Variants in MAU2 observed in about 807,000 individuals in gnomAD.
MAU2 encodes the protein MAU2 sister chromatid cohesion factor, also known as MAU2 chromatid cohesion factor homolog.
Under a neutral mutation model 89.1 loss-of-function variants are expected in MAU2, and 9 were observed. That is an observed-to-expected ratio of 0.10 (90% CI 0.06 to 0.18). The LOEUF is 0.18. Among genes scored for constraint, MAU2 ranks in the 10% least tolerant of loss-of-function variants. MAU2 has a pLI of 1.00. For synonymous variants in MAU2, 357 were observed against 343.4 expected (o/e 1.04, Z -0.44); for missense variants, 425 against 803.5 (o/e 0.53, Z 5.69).
chr19:19,332,479 C>G lies in MAU2; in HGVS notation c.277-3239C>G, dbSNP rs144541840. On this transcript the variant is annotated intron_variant, in intron 1 of 18. Coordinates refer to ENST00000262815, the MANE Select transcript of MAU2 (RefSeq NM_015329.4). ...TACATGGGAAACGGATGTTAAAAAGCGCTAGGATGTAATTTCTCCAGTGCC... is the reference window on the plus strand; with the variant it reads ...TACATGGGAAACGGATGTTAAAAAGGGCTAGGATGTAATTTCTCCAGTGCC... Among the ~76,000 whole-genome samples, 734 of 152,152 alleles carry G rather than the reference C, an allele frequency of 4.8e-3. 3 individuals carry two copies. The highest frequency in any genetic ancestry group is 0.031 in the South Asian group (147 of 4,814).
In MAU2 at chr19:19,334,144, TCA is replaced by T. The variant is rs1195241548; in HGVS notation, c.277-1568_277-1567del. The T allele has an allele frequency of 1.3e-5, 13 of 984,140 alleles. No homozygotes were observed. The Admixed American group carries it at 7.4e-4, about 56-fold the overall frequency. The allele number at this position is 984,140 out of a possible 1,614,324, so 61.0% of individuals were successfully genotyped here. ...CCCCAACTTCTGCTCTTCTGTTGCA[TCA>T]CACACGTTGCCACTGTCCCCACACA... On this transcript the variant is annotated intron_variant, in intron 1 of 18. Transcript: ENST00000262815.
Position 19,336,183 on chromosome 19 carries a change from A to G in MAU2, c.356A>G (p.Gln119Arg). 6.2e-7 allele frequency: 1 copy of G among 1,610,746 alleles called. No homozygotes were observed. The highest frequency in any genetic ancestry group is 8.5e-7 in the Non-Finnish European group (1 of 1,177,084). ...AGTCTGTTGTCTGAATTGTACTGTC[A>G]AGAGGTAAGAACATATTAAGGTTTC... is the stretch of plus-strand genomic sequence containing the variant. ...AASLLSELYCQENSVDAAKPL... is the reference protein window; with the variant it reads ...AASLLSELYCRENSVDAAKPL... The change falls in exon 3 of 19, where the codon CAA becomes CGA. Residue 119 changes from glutamine to arginine, a missense_variant. Transcript: ENST00000262815.
At position 19,345,363 on chromosome 19, in the gene MAU2, C is replaced by A. The variant is rs764587790; in HGVS notation, c.1215C>A (p.Ala405=). The A allele has an allele frequency of 2.5e-5, 41 of 1,613,646 alleles. No homozygotes were observed. The highest frequency in any genetic ancestry group is 3.1e-5 in the Non-Finnish European group (37 of 1,179,994). The part of the protein sequence containing the change: ...MDNAEAQFTT[A]LRLTNHQELW... Reference sequence around the variant, plus strand: ...ACGCGGAAGCCCAGTTCACCACGGCCCTGCGGGTAAGGTGCCGGCCCTCCT... The same window carrying A: ...ACGCGGAAGCCCAGTTCACCACGGCACTGCGGGTAAGGTGCCGGCCCTCCT... The change falls in exon 12 of 19, where the codon GCC becomes GCA. Residue 405 remains alanine, a synonymous_variant. Transcript: ENST00000262815. The surrounding 1 kb of genome is among the most constrained non-coding windows in gnomAD (Gnocchi z 4.9).
chr19:19,338,254 A>G (rs1375932165), intron 4 of MAU2, among the ~76,000 whole-genome samples: 2 of 151,706 alleles, frequency 1.3e-5, no homozygotes, highest in East Asian at 1.9e-4. Context: ...CTCCCCACGC[A>G]CTCTTGTGCC....
intron 16 of MAU2, among the ~76,000 whole-genome samples, chr19:19,350,238 T>C (rs1427197388): frequency 1.4e-5 from 2 of 146,126 alleles, no homozygotes; most frequent in Non-Finnish European, 3.0e-5. Flanking sequence ...AGAGGTTGCA[T>C]TGAACGGAGA....
At chr19:19,344,566 C>A (rs2061678913) in intron 10 of MAU2, 1 of 531,314 alleles carries the variant, frequency 1.9e-6, no homozygotes. Flanking sequence ...AGTACCCACC[C>A]TCCTGAGAGG....
intron 18 of MAU2, 36 bp from the exon 19 acceptor site, chr19:19,355,672 A>G: frequency 1.9e-6 from 3 of 1,564,102 alleles, no homozygotes; most frequent in Non-Finnish European, 8.7e-7. Flanking sequence ...GGAACGGTCC[A>G]CAGTGCCTCA....
chr19:19,355,821 G>A lies in MAU2; in HGVS notation c.*39G>A, dbSNP rs748723729. The A allele has an allele frequency of 2.4e-5, 37 of 1,569,554 alleles. No individual in the cohort carries two copies. The highest frequency in any genetic ancestry group is 3.3e-5 in the South Asian group (3 of 90,452). On this transcript the variant is annotated 3_prime_UTR_variant, in exon 19 of 19. Coordinates refer to ENST00000262815, the MANE Select transcript of MAU2 (RefSeq NM_015329.4). ...CCATCCAGCTCCGCAGGGCCTGCGC[G>A]TCTCCGGCTTCCACCCAGACGGCAC...
rs1054024967 is a variant in MAU2 at position 19,332,480 on chromosome 19, G to A, written c.277-3238G>A. 6.6e-5 allele frequency among the ~76,000 whole-genome samples: 10 copies of A among 152,152 alleles called. No homozygotes were observed. The East Asian group carries it at 1.2e-3, about 18-fold the overall frequency. ...ACATGGGAAACGGATGTTAAAAAGC[G>A]CTAGGATGTAATTTCTCCAGTGCCT... On this transcript the variant is annotated intron_variant, in intron 1 of 18. Transcript: ENST00000262815.
At chr19:19,334,406 G>T (rs2061580119) in intron 1 of MAU2, 2 of 985,668 alleles carry the variant, frequency 2.0e-6, no homozygotes, top group African/African-American at 3.5e-5. Flanking sequence ...TGTCTTGGCA[G>T]TAGCTGCTCT....
At chr19:19,326,721 C>CATATATATATATACGT (rs2061510504) in intron 1 of MAU2, among the ~76,000 whole-genome samples, 2 of 81,000 alleles carry the variant, frequency 2.5e-5, no homozygotes, top group South Asian at 7.7e-4. Flanking sequence ...TATATATATA[C>CATATATATATATACGT]ATATATATAT....
chr19:19,326,463 G>A (rs1025120004), intron 1 of MAU2, among the ~76,000 whole-genome samples: 1 of 151,570 alleles, frequency 6.6e-6, no homozygotes, highest in African/African-American at 2.4e-5. Context: ...AAGGTGGGCG[G>A]ATCACGAGGT....
chr19:19,321,215 T>TG (rs923003119), intron 1 of MAU2, 80 bp downstream of exon 1: 19 of 1,390,736 alleles, frequency 1.4e-5, no homozygotes, highest in Middle Eastern at 4.0e-4. Context: ...CCGCGGCGGG[T>TG]GGGGGGCCGC....
chr19:19,335,120 T>G (rs2061586134), intron 1 of MAU2, among the ~76,000 whole-genome samples: 1 of 152,180 alleles, frequency 6.6e-6, no homozygotes, highest in East Asian at 1.9e-4. Context: ...TGAACTGCCT[T>G]CCTGGTGTGC....
intron 18 of MAU2, 85 bp downstream of exon 18, chr19:19,355,476 C>T: frequency 6.4e-7 from 1 of 1,568,152 alleles, no homozygotes; most frequent in Middle Eastern, 1.7e-4. Flanking sequence ...CTGTATTTCT[C>T]TTTTGTCCAA....
At position 19,338,920 on chromosome 19, in the gene MAU2, G is replaced by A. The variant is rs1318344565; in HGVS notation, c.532G>A (p.Val178Met). 1.2e-6 allele frequency: 2 copies of A among 1,613,308 alleles called. No individual in the cohort carries two copies. Among genetic ancestry groups the A allele is most frequent in the Non-Finnish European group, 1.7e-6 (2 of 1,179,878 alleles). Residue 178 changes from valine (V) to methionine (M), a missense_variant, in exon 5 of 19, where the codon GTG becomes ATG. Val to Met is a conservative substitution (Grantham distance 21). Transcript: ENST00000262815. ...LGVGAEYARV[V>M]GSEYTRALFL... ...TGTAGGGGCCGAGTACGCCCGGGTG[G>A]TGGGATCTGAATACACACGGTAGGC... is the stretch of plus-strand genomic sequence containing the variant.
At chr19:19,334,543 C>T (rs953968307) in intron 1 of MAU2, 22 of 985,536 alleles carry the variant, frequency 2.2e-5, no homozygotes, top group South Asian at 4.7e-5. Flanking sequence ...CTCCTCCGCA[C>T]TCCCTTCGTG....
In MAU2 at chr19:19,345,383, C is replaced by T. The variant is rs2061684694; in HGVS notation, c.1221+14C>T. Reference sequence around the variant, plus strand: ...ACGGCCCTGCGGGTAAGGTGCCGGCCCTCCTTGCTGCTCGGGGCGGGCCAC... The same window carrying T: ...ACGGCCCTGCGGGTAAGGTGCCGGCTCTCCTTGCTGCTCGGGGCGGGCCAC... On this transcript the variant is annotated intron_variant, in intron 12 of 18. Coordinates refer to ENST00000262815, the MANE Select transcript of MAU2 (RefSeq NM_015329.4). The surrounding 1 kb of genome is among the most constrained non-coding windows in gnomAD (Gnocchi z 4.9). 5 of 1,613,094 alleles carry T rather than the reference C, an allele frequency of 3.1e-6. No individual in the cohort carries two copies. The highest frequency in any genetic ancestry group is 3.4e-6 in the Non-Finnish European group (4 of 1,179,816).
In MAU2 at chr19:19,345,001, A is replaced by T; in HGVS notation, c.1155+75A>T. 1 of 1,380,570 alleles carries T rather than the reference A, an allele frequency of 7.2e-7. No homozygotes were observed. Among genetic ancestry groups the T allele is most frequent in the Non-Finnish European group, 1.0e-6 (1 of 980,862 alleles). The allele number at this position is 1,380,570 out of a possible 1,614,324, so 85.5% of individuals were successfully genotyped here. ...AAGTAAGTACCTAACCAGATCCAGA[A>T]CATTCCCAGTGAAGGACCCCCTGAC... On this transcript the variant is annotated intron_variant, in intron 11 of 18. Transcript: ENST00000262815. This position sits in a 1 kb window ranked among gnomAD's most constrained non-coding sequence, Gnocchi z 4.9.
Sources: gnomAD v4.1 joint callset for allele counts (sites outside exome capture counted in the v4.1 genomes callset) on GRCh38, gnomAD v4.1.1 for gene constraint, Gnocchi (gnomAD v3.1) non-coding constraint, MANE v1.5 for transcripts, NCBI Gene and HGNC (gene_info 2026-07-23, HGNC 2026-07-21) for gene names.